Variants in SPIRE1 observed in about 807,000 individuals in gnomAD.
The protein encoded by SPIRE1 is protein spire homolog 1.
In SPIRE1, 40 loss-of-function variants were observed where a neutral mutation model predicts 94.1. The ratio of observed to expected loss-of-function variants is 0.43; its 90% CI spans 0.33 to 0.55. SPIRE1 has a LOEUF of 0.55. SPIRE1 is among the 20% of genes least tolerant of loss of function. SPIRE1 has a pLI of 0.06. For missense variants in SPIRE1, 838 were observed against 975.2 expected, an observed-to-expected ratio of 0.86 and a Z score of 1.87; for synonymous variants, 376 against 371.7, an observed-to-expected ratio of 1.01 and a Z score of -0.13.
chr18:12,657,161 G>A (rs2038564547), intron 1 of SPIRE1, among the ~76,000 whole-genome samples: 1 of 152,024 alleles, frequency 6.6e-6, no homozygotes, highest in Admixed American at 6.6e-5. Flanking sequence ...CAGCCACGGC[G>A]TGAGGCGCAC....
intron 10 of SPIRE1, among the ~76,000 whole-genome samples, chr18:12,476,023 C>T (rs1350078751): frequency 6.6e-6 from 1 of 152,192 alleles, no homozygotes; most frequent in Admixed American, 6.5e-5. Flanking sequence ...AACAGACCTT[C>T]TTCTGAGCTG....
chr18:12,512,950 A>G (rs1319868134), intron 4 of SPIRE1, among the ~76,000 whole-genome samples: 6 of 151,876 alleles, frequency 4.0e-5, no homozygotes, highest in Non-Finnish European at 7.4e-5. Flanking sequence ...TTCCTTTCAG[A>G]TATCACACTC....
chr18:12,545,139 A>G (rs2035125107), intron 3 of SPIRE1, among the ~76,000 whole-genome samples: 1 of 152,226 alleles, frequency 6.6e-6, no homozygotes. Context: ...CAGAAAGTTT[A>G]ATTGGCCTTT....
At chr18:12,604,533 C>T (rs2036919599) in intron 2 of SPIRE1, among the ~76,000 whole-genome samples, 1 of 152,160 alleles carries the variant, frequency 6.6e-6, no homozygotes, top group Non-Finnish European at 1.5e-5. Flanking sequence ...AGAAAAGGCC[C>T]ACTGCCCTAA....
At chr18:12,591,747 G>A (rs2036541333) in intron 2 of SPIRE1, among the ~76,000 whole-genome samples, 1 of 152,036 alleles carries the variant, frequency 6.6e-6, no homozygotes, top group African/African-American at 2.4e-5. Flanking sequence ...GGAGGCCGAG[G>A]TGGGCAGATC....
chr18:12,659,401 C>G (rs188352586), upstream of SPIRE1, among the ~76,000 whole-genome samples: 1 of 152,182 alleles, frequency 6.6e-6, no homozygotes, highest in Non-Finnish European at 1.5e-5. Flanking sequence ...TGCGCAGTGG[C>G]TTAGGCCTGT....
intron 2 of SPIRE1, among the ~76,000 whole-genome samples, chr18:12,626,728 G>T (rs1023521036): frequency 6.6e-6 from 1 of 151,982 alleles, no homozygotes; most frequent in African/African-American, 2.4e-5. Flanking sequence ...TTCTGGCTAT[G>T]TCGGCTTGGG....
chr18:12,580,838 T>C (rs1391647061), intron 2 of SPIRE1, among the ~76,000 whole-genome samples: 2 of 152,032 alleles, frequency 1.3e-5, no homozygotes, highest in African/African-American at 4.8e-5. Flanking sequence ...GGTTTAGGAG[T>C]TCGACAAACG....
intron 10 of SPIRE1, among the ~76,000 whole-genome samples, chr18:12,470,818 T>C (rs1267417989): frequency 6.6e-6 from 1 of 152,092 alleles, no homozygotes; most frequent in Non-Finnish European, 1.5e-5. Flanking sequence ...GTGTTTTTTG[T>C]CTGATCTCAG....
intron 2 of SPIRE1, among the ~76,000 whole-genome samples, chr18:12,583,517 G>A (rs112558057): frequency 0.015 from 2,232 of 151,826 alleles, 65 homozygotes; most frequent in African/African-American, 0.051. Context: ...CAGGAGAATC[G>A]CTTGAACCTG....
At chr18:12,490,658 C>T (rs1297340269) in intron 8 of SPIRE1, among the ~76,000 whole-genome samples, 4 of 152,108 alleles carry the variant, frequency 2.6e-5, no homozygotes, top group Non-Finnish European at 5.9e-5. Flanking sequence ...TAACATGATA[C>T]ACCACCGTAA....
chr18:12,614,983 G>T (rs532217332), intron 2 of SPIRE1, among the ~76,000 whole-genome samples: 1 of 152,054 alleles, frequency 6.6e-6, no homozygotes, highest in South Asian at 2.1e-4. Context: ...GAGCTCAGGA[G>T]TTCGAGACCA....
chr18:12,553,083 T>C (rs2035400904), intron 2 of SPIRE1, among the ~76,000 whole-genome samples: 1 of 152,200 alleles, frequency 6.6e-6, no homozygotes, highest in Non-Finnish European at 1.5e-5. Flanking sequence ...ACCCAGGTAG[T>C]ACGCCATGGA....
intron 2 of SPIRE1, among the ~76,000 whole-genome samples, chr18:12,604,005 A>C (rs1434907106): frequency 6.6e-6 from 1 of 152,110 alleles, no homozygotes; most frequent in African/African-American, 2.4e-5. Context: ...GTGAGCCTGT[A>C]CTGGGCACAG....
At chr18:12,493,310 C>A in intron 7 of SPIRE1, 109 bp from the exon 8 acceptor site, 2 of 1,007,278 alleles carry the variant, frequency 2.0e-6, no homozygotes, top group Non-Finnish European at 2.9e-6. Flanking sequence ...TGGAACACTG[C>A]TTGATAAAAG....
chr18:12,509,796 A>C (rs2144014435), intron 5 of SPIRE1, among the ~76,000 whole-genome samples: 1 of 152,186 alleles, frequency 6.6e-6, no homozygotes. Context: ...AAAACAGTAC[A>C]TACCAGCTGG....
chr18:12,453,845 C>T (rs186174802), intron 13 of SPIRE1, among the ~76,000 whole-genome samples: 144 of 152,054 alleles, frequency 9.5e-4, no homozygotes, highest in Non-Finnish European at 1.6e-3. Context: ...AGTGCAGTGG[C>T]GCAATCTCAG....
At chr18:12,523,376 T>C (rs1253904685) in intron 4 of SPIRE1, among the ~76,000 whole-genome samples, 1 of 152,218 alleles carries the variant, frequency 6.6e-6, no homozygotes, top group Non-Finnish European at 1.5e-5. Context: ...GTGCACATTA[T>C]TGACATGACA....
At chr18:12,553,398 G>T (rs1346232589) in intron 2 of SPIRE1, among the ~76,000 whole-genome samples, 1 of 150,928 alleles carries the variant, frequency 6.6e-6, no homozygotes, top group Non-Finnish European at 1.5e-5. Context: ...AAAACTGACT[G>T]GAAAGGCCTT....
Sources: gnomAD v4.1 joint callset for allele counts (sites outside exome capture counted in the v4.1 genomes callset) on GRCh38, gnomAD v4.1.1 for gene constraint, MANE v1.5 for transcripts, NCBI Gene and HGNC (gene_info 2026-07-23, HGNC 2026-07-21) for gene names.